IL1RN: variants seen among roughly 807,000 people sequenced by gnomAD.
IL1RN encodes the protein interleukin-1 receptor antagonist protein.
IL1RN carries 10 observed loss-of-function variants against 13.7 expected under a neutral mutation model. The ratio of observed to expected loss-of-function variants is 0.73; its 90% confidence interval spans 0.45 to 1.24. The LOEUF (loss-of-function observed/expected upper bound fraction) is 1.24. IL1RN is among the 50% of genes most tolerant of loss of function. The probability of loss-of-function intolerance (pLI) is 0.00; values close to 1 mark genes in which losing one functional copy is unlikely to be tolerated. For synonymous variants in IL1RN, 102 were observed against 82.7 expected (o/e 1.23, Z -1.27); for missense variants, 213 against 222.1 (o/e 0.96, Z 0.26).
At chr2:113,124,377 G>C (rs925033193), upstream of IL1RN, among the ~76,000 whole-genome samples, 11 of 152,236 alleles carry the variant, frequency 7.2e-5, no homozygotes, top group African/African-American at 2.6e-4. Flanking sequence ...AGAAGCGTGA[G>C]GAAGAGGGAG....
chr2:113,132,560 C>A, intron 3 of IL1RN, 96 bp from the exon 4 acceptor site: 1 of 1,127,158 alleles, frequency 8.9e-7, no homozygotes, highest in Non-Finnish European at 1.3e-6. Context: ...TAACTCTGGG[C>A]TGTCCAGAGG....
upstream of IL1RN, among the ~76,000 whole-genome samples, chr2:113,115,323 T>G (rs1228087725): frequency 6.6e-6 from 1 of 152,100 alleles, no homozygotes; most frequent in Non-Finnish European, 1.5e-5. Flanking sequence ...TAGATTTCCA[T>G]TCCCATAGTA....
chr2:113,111,968 A>G (rs912438824), intron 1 of IL1RN, among the ~76,000 whole-genome samples: 1 of 152,246 alleles, frequency 6.6e-6, no homozygotes, highest in African/African-American at 2.4e-5. Flanking sequence ...CATCTGAGAC[A>G]GTTTTAGGCC....
chr2:113,125,286 A>C (rs184486732), upstream of IL1RN, among the ~76,000 whole-genome samples: 11 of 152,380 alleles, frequency 7.2e-5, no homozygotes, highest in African/African-American at 2.6e-4. Context: ...GGAAGAGGCA[A>C]ATAAGTAGAC....
At chr2:113,121,540 G>A (rs531916743) in intron 2 of IL1RN, 4 of 985,426 alleles carry the variant, frequency 4.1e-6, no homozygotes, top group Middle Eastern at 5.2e-4. Context: ...ATGACTTTCA[G>A]TGCAGATTCA....
chr2:113,099,933 A>C, the IL1RN span, among the ~76,000 whole-genome samples: 2 of 137,022 alleles, frequency 1.5e-5, no homozygotes, highest in African/African-American at 2.6e-5. Context: ...ACGGGGTTTC[A>C]CCGTGTTAGC....
upstream of IL1RN, among the ~76,000 whole-genome samples, chr2:113,110,046 C>T (rs1447938394): frequency 2.6e-5 from 4 of 152,170 alleles, no homozygotes; most frequent in Non-Finnish European, 5.9e-5. Context: ...TGTGCCTTTA[C>T]CAAAGGACCA....
chr2:113,112,392 G>A (rs1421894222), intron 1 of IL1RN, among the ~76,000 whole-genome samples: 1 of 152,116 alleles, frequency 6.6e-6, no homozygotes, highest in Non-Finnish European at 1.5e-5. Flanking sequence ...AAATTGAAAA[G>A]TTGCTAGTCC....
At chr2:113,127,194 G>C (rs1442519513), upstream of IL1RN, among the ~76,000 whole-genome samples, 1 of 152,168 alleles carries the variant, frequency 6.6e-6, no homozygotes, top group African/African-American at 2.4e-5. Context: ...AGAACACAAA[G>C]TGACATGAGA....
chr2:113,103,160 T>G (rs945718531), upstream of IL1RN, among the ~76,000 whole-genome samples: 2 of 152,158 alleles, frequency 1.3e-5, no homozygotes, highest in Non-Finnish European at 2.9e-5. Flanking sequence ...CACTCCATCC[T>G]GTGAGGGGAG....
At chr2:113,125,564 T>G (rs1686926358), upstream of IL1RN, among the ~76,000 whole-genome samples, 1 of 152,232 alleles carries the variant, frequency 6.6e-6, no homozygotes, top group Admixed American at 6.5e-5. Flanking sequence ...TTTAAACCTT[T>G]GGGAAATTCA....
At chr2:113,099,503 G>A in the IL1RN span, among the ~76,000 whole-genome samples, 3 of 152,158 alleles carry the variant, frequency 2.0e-5, no homozygotes, top group Admixed American at 6.5e-5. Flanking sequence ...GAAAACGAGC[G>A]AACTCACAGT....
upstream of IL1RN, among the ~76,000 whole-genome samples, chr2:113,123,578 G>A (rs1227019582): frequency 4.6e-5 from 7 of 152,180 alleles, no homozygotes; most frequent in Non-Finnish European, 5.9e-5. Context: ...TGCAGCAGGA[G>A]CAAAAGTGAA....
chr2:113,118,660 C>T (rs1686664755), intron 1 of IL1RN, among the ~76,000 whole-genome samples: 1 of 152,178 alleles, frequency 6.6e-6, no homozygotes, highest in African/African-American at 2.4e-5. Context: ...TTTGCAACCT[C>T]CGGTTAGGAT....
At chr2:113,117,874 T>C, upstream of IL1RN, 3 of 766,594 alleles carry the variant, frequency 3.9e-6, no homozygotes, top group Non-Finnish European at 7.3e-6. Flanking sequence ...TTGTACTCTC[T>C]GAGGTGCTCT....
chr2:113,123,674 A>G (rs541324131), upstream of IL1RN, among the ~76,000 whole-genome samples: 4 of 152,312 alleles, frequency 2.6e-5, no homozygotes, highest in African/African-American at 9.6e-5. Context: ...GTCAGTAAAA[A>G]GGATTTAGGC....
chr2:113,122,040 C>A (rs922263346), intron 2 of IL1RN, among the ~76,000 whole-genome samples: 3 of 152,174 alleles, frequency 2.0e-5, no homozygotes, highest in African/African-American at 7.2e-5. Context: ...GTTTGGAAAA[C>A]AATATTGCCC....
At position 113,131,747 on chromosome 2, in the gene IL1RN, G is replaced by A. The variant is rs45531941; in HGVS notation, c.318+590G>A. ...AATCCTTATTGACTCAAATTGATTA[G>A]TTGGTGCTCCACCCAGAGCCCTGTG... On this transcript the variant is annotated intron_variant, in intron 3 of 3. Coordinates refer to ENST00000409930, the MANE Select transcript of IL1RN (RefSeq NM_173842.3). 1.0e-3 allele frequency among the ~76,000 whole-genome samples: 159 copies of A among 152,256 alleles called. 1 individual carries two copies. The highest frequency in any genetic ancestry group is 3.2e-3 in the African/African-American group (135 of 41,566).
At chr2:113,104,699 C>T (rs1427035349), upstream of IL1RN, among the ~76,000 whole-genome samples, 4 of 152,150 alleles carry the variant, frequency 2.6e-5, no homozygotes, top group African/African-American at 4.8e-5. Context: ...AGCCTGAGTA[C>T]ATGGCTAACA....
Sources: allele counts gnomAD v4.1 joint callset (sites outside exome capture counted in the v4.1 genomes callset), GRCh38; gene constraint gnomAD v4.1.1; transcripts MANE v1.5; gene names NCBI Gene and HGNC (gene_info 2026-07-23, HGNC 2026-07-21).